ATG7: variants seen among roughly 807,000 people sequenced by gnomAD.
ATG7 encodes the protein ubiquitin-like modifier-activating enzyme ATG7.
Under a neutral mutation model 82.4 loss-of-function variants are expected in ATG7, and 70 were observed. That is an observed-to-expected ratio of 0.85 (90% CI 0.70 to 1.04). ATG7 has a LOEUF of 1.04. Ranked by LOEUF, ATG7 falls within the 50% of genes least tolerant of loss-of-function variation. The probability of loss-of-function intolerance (pLI) is 0.00; values close to 1 mark genes in which losing one functional copy is unlikely to be tolerated. For missense variants in ATG7, 792 were observed against 864.3 expected, an observed-to-expected ratio of 0.92 and a Z score of 1.05; for synonymous variants, 287 against 313.0, an observed-to-expected ratio of 0.92 and a Z score of 0.88.
intron 20 of ATG7, among the ~76,000 whole-genome samples, chr3:11,445,009 C>T (rs1426747611): frequency 6.6e-6 from 1 of 152,176 alleles, no homozygotes; most frequent in Non-Finnish European, 1.5e-5. Context: ...CAGTGAAATA[C>T]ATCTCACACC....
In ATG7 at chr3:11,277,892, C is replaced by CCA. The variant is rs1553596316; in HGVS notation, c.-365-3101_-365-3100insAC. Among the ~76,000 whole-genome samples the CCA allele has an allele frequency of 1.1e-3, 29 of 26,990 alleles. 3 individuals carry two copies. The highest frequency in any genetic ancestry group is 4.5e-3 in the African/African-American group (26 of 5,794). 17.7% of individuals were successfully genotyped at this position (26,990 alleles called of 152,430 possible). On this transcript the variant is annotated intron_variant, in intron 1 of 20. Coordinates refer to ENST00000693202, the MANE Select transcript of ATG7 (RefSeq NM_001349232.2). The stretch of plus-strand genomic sequence containing the variant: ...CACTCCCAGAGCGGCCCTTTATAGA[C>CCA]CCCCCCCCCCCCACCAGGAATGCAT...
intron 18 of ATG7, among the ~76,000 whole-genome samples, chr3:11,378,347 A>C (rs148202219): frequency 6.6e-6 from 1 of 150,464 alleles, no homozygotes. Flanking sequence ...TCAATATGCT[A>C]TGTGTTTTTT....
chr3:11,537,311 T>C (rs2070401318), intron 20 of ATG7, among the ~76,000 whole-genome samples: 1 of 152,132 alleles, frequency 6.6e-6, no homozygotes, highest in African/African-American at 2.4e-5. Flanking sequence ...TCTCACCCCA[T>C]TTTTTTCCTA....
At chr3:11,333,241 G>T in intron 11 of ATG7, 148 bp downstream of exon 11, 2 of 1,081,034 alleles carry the variant, frequency 1.9e-6, no homozygotes, top group Admixed American at 3.8e-5. Context: ...CACCTACTTC[G>T]AACAGAGGGC....
the ATG7 span, among the ~76,000 whole-genome samples, chr3:11,566,855 C>T: frequency 2.6e-5 from 4 of 152,274 alleles, no homozygotes; most frequent in Admixed American, 6.5e-5. Flanking sequence ...TGTCTCATTA[C>T]GCTTGCTACC....
chr3:11,492,477 T>C (rs2090452596), intron 20 of ATG7, among the ~76,000 whole-genome samples: 1 of 152,368 alleles, frequency 6.6e-6, no homozygotes, highest in African/African-American at 2.4e-5. Flanking sequence ...TTCAGCCATC[T>C]TGGCTCCAGC....
At chr3:11,536,116 C>T (rs1354398947) in intron 20 of ATG7, among the ~76,000 whole-genome samples, 2 of 152,170 alleles carry the variant, frequency 1.3e-5, no homozygotes, top group Non-Finnish European at 2.9e-5. Context: ...AGGCTGTTTT[C>T]TCAGGGCTGG....
intron 19 of ATG7, among the ~76,000 whole-genome samples, chr3:11,392,853 G>A (rs898612756): frequency 6.6e-6 from 1 of 152,122 alleles, no homozygotes; most frequent in African/African-American, 2.4e-5. Flanking sequence ...TAGAAGTTAT[G>A]CTACCAGGTG....
chr3:11,363,047 CA>C, intron 17 of ATG7, 119 bp downstream of exon 17: 5 of 880,916 alleles, frequency 5.7e-6, no homozygotes, highest in South Asian at 1.8e-5. Context: ...ATTTCACCCT[CA>C]AAAAAACAAG....
chr3:11,568,536 C>T, the ATG7 span: 3 of 1,545,116 alleles, frequency 1.9e-6, no homozygotes, highest in Admixed American at 2.0e-5. The surrounding 1 kb of genome is among the most constrained non-coding windows in gnomAD (Gnocchi z 5.9). Context: ...CAGACAAAGA[C>T]ACTGAAAACA....
chr3:11,385,016 T>TTTTGTTTG lies in ATG7; in HGVS notation c.1956+4988_1956+4995dup, dbSNP rs144742151. Among the ~76,000 whole-genome samples the TTTTGTTTG allele has an allele frequency of 7.4e-3, 1,121 of 151,796 alleles. 15 individuals are homozygous for TTTTGTTTG. Among genetic ancestry groups the TTTTGTTTG allele is most frequent in the South Asian group, 0.051 (246 of 4,784 alleles). On this transcript the variant is annotated intron_variant, in intron 19 of 20. Coordinates refer to ENST00000693202, the MANE Select transcript of ATG7 (RefSeq NM_001349232.2). Reference sequence around the variant, plus strand: ...GTCAACTTAGCTGCTTAAATAGTGTTTTTGTTTGTTTGTTTGTTTGTTTGT... The same window carrying TTTTGTTTG: ...GTCAACTTAGCTGCTTAAATAGTGTTTTTGTTTGTTTGTTTGTTTGTTTGTTTGTTTGT...
chr3:11,529,939 C>CCTGT lies in ATG7; in HGVS notation c.2080-24872_2080-24871insCTGT, dbSNP rs577789759. On this transcript the variant is annotated intron_variant, in intron 20 of 20. Transcript: ENST00000693202. ...CATGACCCATCTGCACCACCATCCTCTTGCCCAGGAGACAGGAGGGGCCCA... is the reference window on the plus strand; with the variant it reads ...CATGACCCATCTGCACCACCATCCTCCTGTTTGCCCAGGAGACAGGAGGGGCCCA... 1.5e-4 allele frequency among the ~76,000 whole-genome samples: 23 copies of CCTGT among 152,358 alleles called. No homozygotes were observed. The South Asian group carries it at 4.8e-3, about 32-fold the overall frequency.
chr3:11,458,761 C>G (rs1451435168), intron 20 of ATG7, among the ~76,000 whole-genome samples: 1 of 152,156 alleles, frequency 6.6e-6, no homozygotes. Context: ...TGTCTTTGGC[C>G]TAGTTGAGGG....
Position 11,346,799 on chromosome 3 carries a change from C to G in ATG7, c.1126-1078C>G, listed in dbSNP as rs59261375. Among the ~76,000 whole-genome samples, 732 of 152,334 alleles carry G rather than the reference C, an allele frequency of 4.8e-3. 9 individuals carry two copies. Among genetic ancestry groups the G allele is most frequent in the African/African-American group, 0.016 (673 of 41,574 alleles). ...TAGATGATGAAAATAATTTACAAAA[C>G]TGGGTGGGTAGACCAAAAGGTTACC... On this transcript the variant is annotated intron_variant, in intron 13 of 20. Coordinates refer to ENST00000693202, the MANE Select transcript of ATG7 (RefSeq NM_001349232.2).
In ATG7 at chr3:11,334,546, ATATATAT is replaced by A. The variant is rs369680058; in HGVS notation, c.889+1457_889+1463del. Among the ~76,000 whole-genome samples the A allele has an allele frequency of 3.8e-3, 570 of 151,608 alleles. 6 individuals carry two copies. Among genetic ancestry groups the A allele is most frequent in the African/African-American group, 0.013 (546 of 41,378 alleles). ...GGCATGAGTCACTGAGCCTGGCCTC[ATATATAT>A]TATTTAGCTTGTTCCTTATATCATC... On this transcript the variant is annotated intron_variant, in intron 11 of 20. Coordinates refer to ENST00000693202, the MANE Select transcript of ATG7 (RefSeq NM_001349232.2).
chr3:11,560,931 G>A (rs911611964), downstream of ATG7, among the ~76,000 whole-genome samples: 1 of 152,118 alleles, frequency 6.6e-6, no homozygotes, highest in African/African-American at 2.4e-5. Flanking sequence ...AGGGGGTTGG[G>A]GACCGACAGA....
intron 20 of ATG7, among the ~76,000 whole-genome samples, chr3:11,478,164 G>A (rs758266196): frequency 3.9e-5 from 6 of 152,082 alleles, no homozygotes; most frequent in Non-Finnish European, 8.8e-5. Flanking sequence ...TGACCCCATC[G>A]GTGGTAGCTA....
chr3:11,551,559 T>A (rs1214195111), intron 20 of ATG7, among the ~76,000 whole-genome samples: 5 of 152,164 alleles, frequency 3.3e-5, no homozygotes, highest in Non-Finnish European at 4.4e-5. Flanking sequence ...TTTATTCCCA[T>A]GTGTTTAGCT....
intron 17 of ATG7, 62 bp downstream of exon 17, chr3:11,362,990 T>G (rs1394667421): frequency 4.3e-6 from 6 of 1,394,540 alleles, no homozygotes; most frequent in Non-Finnish European, 6.0e-6. Context: ...TGTTCATCAG[T>G]GTCTCCCATG....
Sources: gnomAD v4.1 joint callset for allele counts (sites outside exome capture counted in the v4.1 genomes callset) on GRCh38, gnomAD v4.1.1 for gene constraint, Gnocchi (gnomAD v3.1) non-coding constraint, MANE v1.5 for transcripts, NCBI Gene and HGNC (gene_info 2026-07-23, HGNC 2026-07-21) for gene names.